The following VWF variants were observed in gnomAD, a reference collection of about 807,000 sequenced individuals.
VWF encodes von Willebrand factor.
VWF carries 176 observed loss-of-function variants against 308.6 expected under a neutral mutation model. The ratio of observed to expected loss-of-function variants is 0.57; its 90% CI spans 0.50 to 0.65. VWF has a LOEUF of 0.65. Ranked by LOEUF, VWF falls within the 30% of genes least tolerant of loss-of-function variation. VWF has a pLI of 0.00. For missense variants in VWF, 3,146 were observed against 3,648.2 expected (o/e 0.86, Z 3.55); for synonymous variants, 1,385 against 1,443.4 (o/e 0.96, Z 0.92).
At chr12:6,119,366 C>T (rs911527752) in intron 3 of VWF, among the ~76,000 whole-genome samples, 1 of 152,240 alleles carries the variant, frequency 6.6e-6, no homozygotes, top group African/African-American at 2.4e-5. Flanking sequence ...CCGGGTGGTC[C>T]TGATGCAGCC....
At chr12:6,115,165 T>C (rs926088662) in intron 3 of VWF, among the ~76,000 whole-genome samples, 2 of 151,970 alleles carry the variant, frequency 1.3e-5, no homozygotes, top group African/African-American at 2.4e-5. Flanking sequence ...ACTTCCCAAA[T>C]AGCTGGAACT....
intron 6 of VWF, among the ~76,000 whole-genome samples, chr12:6,088,718 C>T (rs1485591079): frequency 6.6e-6 from 1 of 152,146 alleles, no homozygotes; most frequent in Non-Finnish European, 1.5e-5. Flanking sequence ...CAAAGGTACA[C>T]TTTGTGATAG....
chr12:6,024,606 G>A lies in VWF; in HGVS notation c.3223-819C>T, dbSNP rs1456219487. Among the ~76,000 whole-genome samples the A allele has an allele frequency of 6.6e-6, 1 of 152,232 alleles. No homozygotes were observed. Among genetic ancestry groups the A allele is most frequent in the Non-Finnish European group, 1.5e-5 (1 of 68,054 alleles). ...TCAACCAGTCTCTCCCACATTGGTGGTGTTACACAGCAGCATGTATGTGTG... is the reference window on the plus strand; with the variant it reads ...TCAACCAGTCTCTCCCACATTGGTGATGTTACACAGCAGCATGTATGTGTG... On this transcript the variant is annotated intron_variant, in intron 24 of 51. Transcript: ENST00000261405. This position sits in a 1 kb window ranked among gnomAD's most constrained non-coding sequence, Gnocchi z 4.0.
intron 34 of VWF, among the ~76,000 whole-genome samples, chr12:6,009,093 A>G (rs1488291613): frequency 3.9e-5 from 6 of 152,294 alleles, no homozygotes; most frequent in Non-Finnish European, 7.4e-5. Context: ...GTGGGACTAC[A>G]GCAAACCAAA....
chr12:6,074,703 A>C (rs570867462), intron 7 of VWF, among the ~76,000 whole-genome samples: 3 of 152,168 alleles, frequency 2.0e-5, no homozygotes, highest in East Asian at 1.9e-4. Flanking sequence ...CATGGCTTTT[A>C]ATCACTGGAA....
At chr12:6,034,605 A>G in intron 20 of VWF, 83 bp downstream of exon 20, 1 of 1,603,840 alleles carries the variant, frequency 6.2e-7, no homozygotes, top group Non-Finnish European at 8.5e-7. Context: ...CTGCAGACAG[A>G]TCCACAGAAC....
chr12:6,116,888 T>C (rs1364496778), intron 3 of VWF, among the ~76,000 whole-genome samples: 1 of 152,210 alleles, frequency 6.6e-6, no homozygotes, highest in African/African-American at 2.4e-5. Context: ...CAGGATGTCA[T>C]TGCAGAACAA....
chr12:6,056,792 C>G, intron 15 of VWF, 65 bp downstream of exon 15: 1 of 1,281,326 alleles, frequency 7.8e-7, no homozygotes, highest in Non-Finnish European at 9.9e-7. Flanking sequence ...GAAAGGGCTT[C>G]GAAAAGCACA....
At chr12:6,042,834 G>C (rs1428380781) in intron 18 of VWF, among the ~76,000 whole-genome samples, 1 of 152,184 alleles carries the variant, frequency 6.6e-6, no homozygotes, top group Non-Finnish European at 1.5e-5. Flanking sequence ...AAAAAAGTTT[G>C]TTTCAAAGCA....
At position 6,034,937 on chromosome 12, in the gene VWF, C is replaced by G. The variant is rs1358242564; in HGVS notation, c.2547-111G>C. 9.4e-6 allele frequency: 13 copies of G among 1,381,956 alleles called. No individual in the cohort carries two copies. The East Asian group carries it at 3.2e-4, about 34-fold the overall frequency. 85.6% of individuals were successfully genotyped at this position (1,381,956 alleles called of 1,614,324 possible). On this transcript the variant is annotated intron_variant, in intron 19 of 51. Coordinates refer to ENST00000261405, the MANE Select transcript of VWF (RefSeq NM_000552.5). The stretch of plus-strand genomic sequence containing the variant: ...AGAATACTCTGGGTGCCTCCCAACC[C>G]TCCAGGAAGCCCAAGGAAGTTGAGG...
Position 6,021,802 on chromosome 12 carries a change from A to C in VWF, c.3674+98T>G. 7 of 1,397,504 alleles carry C rather than the reference A, an allele frequency of 5.0e-6. No homozygotes were observed. The South Asian group carries it at 8.1e-5, about 16-fold the overall frequency. The allele number at this position is 1,397,504 out of a possible 1,614,324, so 86.6% of individuals were successfully genotyped here. On this transcript the variant is annotated intron_variant, in intron 27 of 51. Coordinates refer to ENST00000261405, the MANE Select transcript of VWF (RefSeq NM_000552.5). ...TAAAATAAACTCAGTCTCTCAACTC[A>C]TGTGGCTAGGACTTTTTACCCAAAA...
chr12:6,075,421 C>G lies in VWF; in HGVS notation c.788G>C (p.Cys263Ser). 6.2e-7 allele frequency: 1 copy of G among 1,614,174 alleles called. No individual in the cohort carries two copies. The highest frequency in any genetic ancestry group is 8.5e-7 in the Non-Finnish European group (1 of 1,180,032). ...GTACTCCAGGAGGGCAGGGCAGGCGCACTCCAGCCCCCCAGCACACTCACA... is the reference window on the plus strand; with the variant it reads ...GTACTCCAGGAGGGCAGGGCAGGCGGACTCCAGCCCCCCAGCACACTCACA... ...TLCECAGGLECACPALLEYAR... is the reference protein window; with the variant it reads ...TLCECAGGLESACPALLEYAR... Residue 263 changes from cysteine (C) to serine (S), a missense_variant, in exon 7 of 52, where the codon TGC (cysteine) becomes TCC (serine). Cys to Ser is a moderately radical substitution (Grantham distance 112, BLOSUM62 -1). This residue lies in a region of VWF where 1,304 missense variants were observed against 1,353.0 expected (regional missense o/e 0.96). Coordinates refer to ENST00000261405, the MANE Select transcript of VWF (RefSeq NM_000552.5). This position sits in a 1 kb window ranked among gnomAD's most constrained non-coding sequence, Gnocchi z 4.7.
intron 21 of VWF, 79 bp downstream of exon 21, chr12:6,031,365 A>G: frequency 6.2e-7 from 1 of 1,611,626 alleles, no homozygotes; most frequent in East Asian, 2.2e-5. Context: ...CGAGCTCTAA[A>G]TGAATGCTTG....
chr12:6,050,768 T>C (rs1471497889), intron 16 of VWF, among the ~76,000 whole-genome samples: 1 of 152,140 alleles, frequency 6.6e-6, no homozygotes, highest in East Asian at 1.9e-4. Context: ...GAGACCAGCC[T>C]GACATGGCGA....
At chr12:6,031,863 T>C (rs1030931502) in intron 20 of VWF, among the ~76,000 whole-genome samples, 3 of 152,084 alleles carry the variant, frequency 2.0e-5, no homozygotes, top group Non-Finnish European at 4.4e-5. Context: ...ACATGTGGCC[T>C]GCTTCGATGG....
At chr12:6,053,548 T>C (rs1372598619) in intron 15 of VWF, among the ~76,000 whole-genome samples, 1 of 152,130 alleles carries the variant, frequency 6.6e-6, no homozygotes, top group African/African-American at 2.4e-5. Flanking sequence ...TCACCCTCCC[T>C]AGCCTCCCAC....
Position 6,011,695 on chromosome 12 carries a change from C to T in VWF, c.5764G>A (p.Gly1922Arg), listed in dbSNP as rs749386904. 5 of 1,613,882 alleles carry T rather than the reference C, an allele frequency of 3.1e-6. No individual in the cohort carries two copies. The Admixed American group carries it at 8.3e-5, about 27-fold the overall frequency. ...CTGTTAGGGCACGAAGGCCTCAGCC[C>T]CCGGTCACAGTTGACCCGATGACTC... ...LKSHRVNCDR[G>R]LRPSCPNSQS... Residue 1922 changes from glycine (G) to arginine (R), a missense_variant, in exon 34 of 52, where the codon GGG becomes AGG. Physicochemically the swap from Gly to Arg is moderately radical, Grantham distance 125. Around this residue, in one of 3 missense-constraint regions of VWF, gnomAD observed 853 missense variants for 1,177.8 expected, o/e 0.72. Transcript: ENST00000261405.
intron 47 of VWF, among the ~76,000 whole-genome samples, chr12:5,961,277 C>A (rs1043250192): frequency 9.2e-5 from 14 of 152,132 alleles, no homozygotes; most frequent in African/African-American, 3.4e-4. Context: ...TGACTCATCC[C>A]AAAACAATCC....
At chr12:5,969,016 G>C (rs1237281460) in intron 45 of VWF, among the ~76,000 whole-genome samples, 195 bp downstream of exon 45, 2 of 152,184 alleles carry the variant, frequency 1.3e-5, no homozygotes, top group African/African-American at 4.8e-5. Flanking sequence ...TTGCCATGTA[G>C]TGATCTTCAG....
Sources: gnomAD v4.1 joint callset for allele counts (sites outside exome capture counted in the v4.1 genomes callset) on GRCh38, gnomAD v4.1.1 for gene constraint, gnomAD v4.1.1 regional missense constraint, Gnocchi (gnomAD v3.1) non-coding constraint, MANE v1.5 for transcripts, NCBI Gene and HGNC (gene_info 2026-07-23, HGNC 2026-07-21) for gene names.